The following NHSL1 variants were observed in gnomAD, a reference collection of about 807,000 sequenced individuals.
NHSL1 encodes NHS like 1, also known as NHS-like protein 1.
Under a neutral mutation model 95.0 loss-of-function variants are expected in NHSL1, and 48 were observed. That is an observed-to-expected ratio of 0.51 (90% confidence interval 0.40 to 0.64). NHSL1 has a LOEUF of 0.64. Ranked by LOEUF, NHSL1 falls within the 30% of genes least tolerant of loss-of-function variation. The pLI, the probability that NHSL1 is intolerant of heterozygous loss-of-function variation, is 0.00. For missense variants in NHSL1, 1,971 were observed against 2,077.7 expected, an observed-to-expected ratio of 0.95 and a Z score of 1.00; for synonymous variants, 783 against 833.9, an observed-to-expected ratio of 0.94 and a Z score of 1.05.
intron 5 of NHSL1, among the ~76,000 whole-genome samples, chr6:138,439,170 T>C (rs1456225023): frequency 2.0e-5 from 3 of 152,212 alleles, no homozygotes; most frequent in Non-Finnish European, 2.9e-5. Context: ...ATAAATCCTT[T>C]CTAATTCATG....
At chr6:138,685,997 G>A (rs914305348) in intron 1 of NHSL1, among the ~76,000 whole-genome samples, 1 of 152,102 alleles carries the variant, frequency 6.6e-6, no homozygotes, top group Non-Finnish European at 1.5e-5. Context: ...TAGAAGCAGA[G>A]AGTACAATGA....
rs1785205972 is a variant in NHSL1, at chr6:138,659,952, A to G, written c.96+32524T>C. Among the ~76,000 whole-genome samples, 3 of 152,106 alleles carry G rather than the reference A, an allele frequency of 2.0e-5. No homozygotes were observed. The South Asian group carries it at 6.2e-4, about 32-fold the overall frequency. Reference sequence around the variant, plus strand: ...GCTGGTCTCAAACTCCTGACCTCAAATAATCCACCTGCCTTGGCCTCCCAA... The same window carrying G: ...GCTGGTCTCAAACTCCTGACCTCAAGTAATCCACCTGCCTTGGCCTCCCAA... On this transcript the variant is annotated intron_variant, in intron 1 of 3. Coordinates refer to the NHSL1 transcript ENST00000491526.
chr6:138,605,467 A>G (rs561386177), intron 1 of NHSL1, among the ~76,000 whole-genome samples: 1 of 152,288 alleles, frequency 6.6e-6, no homozygotes, highest in East Asian at 1.9e-4. Flanking sequence ...CCCCCACAAA[A>G]AAAAGTTTAC....
intron 5 of NHSL1, among the ~76,000 whole-genome samples, 172 bp downstream of exon 5, chr6:138,441,811 C>T (rs1189079051): frequency 6.6e-6 from 1 of 152,228 alleles, no homozygotes; most frequent in Non-Finnish European, 1.5e-5. Context: ...CTCTCTCTCT[C>T]CATGGGATGT....
At chr6:138,551,637 A>G (rs563515901) in intron 1 of NHSL1, among the ~76,000 whole-genome samples, 1 of 152,152 alleles carries the variant, frequency 6.6e-6, no homozygotes, top group East Asian at 1.9e-4. Flanking sequence ...GTTTTTCTAT[A>G]TATTTATTAC....
At chr6:138,662,957 ATGGTTACC>A (rs1375305173) in intron 1 of NHSL1, among the ~76,000 whole-genome samples, 2 of 151,570 alleles carry the variant, frequency 1.3e-5, no homozygotes, top group Non-Finnish European at 2.9e-5. Context: ...AAAAAAAAAA[ATGGTTACC>A]TGTGACCCAG....
chr6:138,630,089 C>G (rs1023773498), intron 1 of NHSL1, among the ~76,000 whole-genome samples: 4 of 152,090 alleles, frequency 2.6e-5, no homozygotes, highest in African/African-American at 2.4e-5. Context: ...GTGGCACATG[C>G]CTGCAGTCTA....
chr6:138,424,241 C>T lies in NHSL1; in HGVS notation c.4661G>A (p.Gly1554Glu). ...CTCGTCCATCTCCTCCCTCGCCAGTCCGTCCAGGGAACATCCCTCCGCAGC... is the reference window on the plus strand; with the variant it reads ...CTCGTCCATCTCCTCCCTCGCCAGTTCGTCCAGGGAACATCCCTCCGCAGC... ...LGAAEGCSLD[G>E]LAREEMDEGG... The change falls in exon 8 of 8, where the codon GGA (glycine) becomes GAA (glutamate). Residue 1554 changes from glycine to glutamate, a missense_variant. Gly to Glu is a moderately conservative substitution (Grantham distance 98). Around this residue, in one of 3 missense-constraint regions of NHSL1, gnomAD observed 223 missense variants for 217.0 expected, o/e 1.03. Coordinates refer to ENST00000343505, the MANE Select transcript of NHSL1 (RefSeq NM_001144060.2). The surrounding 1 kb of genome is among the most constrained non-coding windows in gnomAD (Gnocchi z 5.9). 6.6e-7 allele frequency: 1 copy of T among 1,506,408 alleles called. No individual in the cohort carries two copies. 93.3% of individuals were successfully genotyped at this position (1,506,408 alleles called of 1,614,324 possible). A position where few individuals can be genotyped will look rare whatever the true frequency, so the allele number is the denominator to read the frequency against.
chr6:138,468,391 T>A (rs1230889452), intron 3 of NHSL1, among the ~76,000 whole-genome samples: 2 of 152,218 alleles, frequency 1.3e-5, no homozygotes, highest in Non-Finnish European at 2.9e-5. Context: ...GGCCGTGCAC[T>A]TGTACCCATC....
chr6:138,648,415 T>A (rs1785047580), intron 1 of NHSL1, among the ~76,000 whole-genome samples: 1 of 151,184 alleles, frequency 6.6e-6, no homozygotes, highest in East Asian at 1.9e-4. Context: ...AAGGCTTAGC[T>A]GAACAGTTCT....
At chr6:138,655,152 C>A (rs1407795072) in intron 1 of NHSL1, among the ~76,000 whole-genome samples, 2 of 152,146 alleles carry the variant, frequency 1.3e-5, no homozygotes, top group Admixed American at 1.3e-4. Flanking sequence ...TAATGACATC[C>A]TTGACTCATA....
chr6:138,620,766 C>T (rs1285615141), intron 1 of NHSL1, among the ~76,000 whole-genome samples: 2 of 152,162 alleles, frequency 1.3e-5, no homozygotes, highest in African/African-American at 4.8e-5. Flanking sequence ...GTAAATATAA[C>T]TTCCATCTGC....
intron 3 of NHSL1, among the ~76,000 whole-genome samples, chr6:138,463,504 C>CT (rs61234570): frequency 0.094 from 12,196 of 129,280 alleles, 1,148 homozygotes; most frequent in African/African-American, 0.26. Flanking sequence ...GTGCGATGTT[C>CT]TTTTTTTTTT....
upstream of NHSL1, among the ~76,000 whole-genome samples, chr6:138,573,949 T>C (rs1783922260): frequency 6.6e-6 from 1 of 152,008 alleles, no homozygotes; most frequent in African/African-American, 2.4e-5. Flanking sequence ...TTTTATTTTC[T>C]TTTTTTTGAG....
intron 2 of NHSL1, among the ~76,000 whole-genome samples, chr6:138,479,175 T>C (rs1779268614): frequency 6.6e-6 from 1 of 152,236 alleles, no homozygotes; most frequent in South Asian, 2.1e-4. Flanking sequence ...ATGTTTGAGG[T>C]GTGACAGGAA....
intron 3 of NHSL1, among the ~76,000 whole-genome samples, chr6:138,450,258 C>T (rs540937976): frequency 2.0e-5 from 3 of 152,240 alleles, no homozygotes; most frequent in African/African-American, 7.2e-5. Context: ...TGTATAAGGG[C>T]CACATGTCTG....
intron 1 of NHSL1, among the ~76,000 whole-genome samples, chr6:138,508,091 C>T (rs994469936): frequency 1.3e-5 from 2 of 152,232 alleles, no homozygotes; most frequent in Non-Finnish European, 2.9e-5. Flanking sequence ...TCTGCTATCA[C>T]TGTGACTGGT....
At position 138,429,691 on chromosome 6, in the gene NHSL1, G is replaced by A; in HGVS notation, c.4085+20C>T. Reference sequence around the variant, plus strand: ...GGAATTACACAGTAGATTAAAGTCAGAGGAAGGAGTTTGAAATACCTGTGA... The same window carrying A: ...GGAATTACACAGTAGATTAAAGTCAAAGGAAGGAGTTTGAAATACCTGTGA... On this transcript the variant is annotated intron_variant, in intron 7 of 7. Coordinates refer to ENST00000343505, the MANE Select transcript of NHSL1 (RefSeq NM_001144060.2). 1 of 1,542,490 alleles carries A rather than the reference G, an allele frequency of 6.5e-7. No individual in the cohort carries two copies. Among genetic ancestry groups the A allele is most frequent in the East Asian group, 2.5e-5 (1 of 40,718 alleles).
chr6:138,504,093 G>A (rs561104035), upstream of NHSL1, among the ~76,000 whole-genome samples: 3 of 152,098 alleles, frequency 2.0e-5, no homozygotes, highest in East Asian at 3.9e-4. Flanking sequence ...ATATTAGCCC[G>A]GTGTGGTGGT....
Sources: allele counts gnomAD v4.1 joint callset (sites outside exome capture counted in the v4.1 genomes callset), GRCh38; gene constraint gnomAD v4.1.1; regional missense constraint gnomAD v4.1.1; non-coding constraint Gnocchi (gnomAD v3.1); transcripts MANE v1.5; gene names NCBI Gene and HGNC (gene_info 2026-07-23, HGNC 2026-07-21).